The following ERICH6B variants were observed in gnomAD, a reference collection of about 807,000 sequenced individuals.
The protein encoded by ERICH6B is glutamate rich 6B.
A neutral mutation model predicts 80.0 loss-of-function variants in ERICH6B; 69 were observed. The ratio of observed to expected loss-of-function variants is 0.86; its 90% confidence interval spans 0.71 to 1.05. ERICH6B has a LOEUF of 1.05. ERICH6B is among the 50% of genes least tolerant of loss of function. ERICH6B has a pLI of 0.00. For synonymous variants in ERICH6B, 283 were observed against 291.9 expected, an observed-to-expected ratio of 0.97 and a Z score of 0.31; for missense variants, 754 against 796.1, an observed-to-expected ratio of 0.95 and a Z score of 0.64.
At chr13:45,582,354 G>A (rs7330573) in intron 5 of ERICH6B, among the ~76,000 whole-genome samples, 11,797 of 152,244 alleles carry the variant, frequency 0.077, 1,163 homozygotes, top group African/African-American at 0.23. Flanking sequence ...CAATTATACT[G>A]TTGAATTATT....
chr13:45,596,600 C>A lies in ERICH6B; in HGVS notation c.406G>T (p.Glu136Ter), dbSNP rs28460344. The change falls in exon 3 of 15, where the codon GAG becomes TAG. Residue 136 changes from glutamate (E) to a stop codon, truncating the protein, a stop_gained. Coordinates refer to ENST00000298738, the MANE Select transcript of ERICH6B (RefSeq NM_182542.3). LOFTEE classifies it high-confidence loss of function. ...CCTTCCTTCCCCAGATACTCTTCCT[C>A]CTCCAGATGCTCTTCCTTCCCCAGG... The part of the protein sequence containing the change: ...EYLGKEEHLE[E>*]EEYLGKEGYL... The A allele has an allele frequency of 2.1e-6, 1 of 465,278 alleles. No individual in the cohort carries two copies. Among genetic ancestry groups the A allele is most frequent in the Non-Finnish European group, 3.5e-6 (1 of 283,036 alleles). 28.8% of individuals were successfully genotyped at this position (465,278 alleles called of 1,614,324 possible).
At chr13:45,613,876 G>A (rs1949913206) in intron 1 of ERICH6B, among the ~76,000 whole-genome samples, 1 of 152,178 alleles carries the variant, frequency 6.6e-6, no homozygotes, top group African/African-American at 2.4e-5. Context: ...AACCACTAAG[G>A]TCTAGGAGGA....
chr13:45,562,440 T>G (rs986914121), intron 10 of ERICH6B, among the ~76,000 whole-genome samples: 1 of 152,258 alleles, frequency 6.6e-6, no homozygotes, highest in Non-Finnish European at 1.5e-5. Context: ...ATTTTGGAAC[T>G]AAACTGGTAA....
In ERICH6B at chr13:45,563,755, T is replaced by C. The variant is rs1301027644; in HGVS notation, c.1221A>G (p.Thr407=). Residue 407 remains threonine, a synonymous_variant, in exon 10 of 15, where the codon ACA becomes ACG. Transcript: ENST00000298738. ...LKKNYEKFKE[T]ILRIKRRREA... ...CACGTCTCCTCTTAATCCGTAAGAT[T>C]GTTTCCTTGAACTTTTCATAATTTT... 8 of 1,552,310 alleles carry C rather than the reference T, an allele frequency of 5.2e-6. No homozygotes were observed. In the East Asian group the frequency reaches 1.5e-4, roughly 28 times the overall value.
intron 11 of ERICH6B, among the ~76,000 whole-genome samples, chr13:45,559,150 G>A (rs1874562029): frequency 6.6e-6 from 1 of 152,144 alleles, no homozygotes; most frequent in Admixed American, 6.5e-5. Flanking sequence ...ATATTGCCAG[G>A]AATTTGTCTG....
At chr13:45,595,516 T>C (rs796707755) in intron 3 of ERICH6B, among the ~76,000 whole-genome samples, 15 of 152,078 alleles carry the variant, frequency 9.9e-5, no homozygotes, top group African/African-American at 3.6e-4. Flanking sequence ...TATATATGTG[T>C]ATATAAATAT....
At chr13:45,588,124 G>A (rs898466183) in intron 4 of ERICH6B, among the ~76,000 whole-genome samples, 1 of 152,212 alleles carries the variant, frequency 6.6e-6, no homozygotes, top group Non-Finnish European at 1.5e-5. Context: ...CTGCACCAGG[G>A]AACTCAGTGT....
chr13:45,582,601 C>A lies in ERICH6B; in HGVS notation c.857-1936G>T, dbSNP rs559750960. Among the ~76,000 whole-genome samples the A allele has an allele frequency of 1.1e-4, 17 of 152,338 alleles. No homozygotes were observed. The East Asian group carries it at 1.5e-3, about 14-fold the overall frequency. On this transcript the variant is annotated intron_variant, in intron 5 of 14. Coordinates refer to ENST00000298738, the MANE Select transcript of ERICH6B (RefSeq NM_182542.3). ...ACAAATATAAATATTCCTTCTAAAT[C>A]TGCATCCAAGCCTATTATAAAAAAT... is the stretch of plus-strand genomic sequence containing the variant.
intron 1 of ERICH6B, among the ~76,000 whole-genome samples, chr13:45,613,875 G>GT (rs1345711071): frequency 6.6e-6 from 1 of 152,174 alleles, no homozygotes; most frequent in Non-Finnish European, 1.5e-5. Flanking sequence ...AAACCACTAA[G>GT]GTCTAGGAGG....
chr13:45,590,807 A>C, intron 3 of ERICH6B, 110 bp from the exon 4 acceptor site: 1 of 891,262 alleles, frequency 1.1e-6, no homozygotes, highest in Non-Finnish European at 1.7e-6. Context: ...GAAATTTTCT[A>C]TTTTTACTTT....
intron 2 of ERICH6B, among the ~76,000 whole-genome samples, chr13:45,604,090 C>G (rs1300953702): frequency 6.6e-6 from 1 of 152,182 alleles, no homozygotes; most frequent in African/African-American, 2.4e-5. Flanking sequence ...GAAGTCGAGC[C>G]CAGGCCCAGA....
chr13:45,605,641 G>A lies in ERICH6B; in HGVS notation c.-59+1923C>T, dbSNP rs557331241. ...TTCCCCAGTGCCAAATGTCATGTGTGTTTTGGAGGAGAGCCCTCCTCAGGG... is the reference window on the plus strand; with the variant it reads ...TTCCCCAGTGCCAAATGTCATGTGTATTTTGGAGGAGAGCCCTCCTCAGGG... On this transcript the variant is annotated intron_variant, in intron 2 of 14. Transcript: ENST00000298738. Among the ~76,000 whole-genome samples, 16 of 152,328 alleles carry A rather than the reference G, an allele frequency of 1.1e-4. 1 individual carries two copies. In the South Asian group the frequency reaches 2.7e-3, roughly 26 times the overall value.
chr13:45,613,646 T>C (rs1057024841), intron 1 of ERICH6B, among the ~76,000 whole-genome samples: 1 of 152,094 alleles, frequency 6.6e-6, no homozygotes, highest in African/African-American at 2.4e-5. Flanking sequence ...GGACTTGGGG[T>C]GTGCTGCCTA....
intron 2 of ERICH6B, among the ~76,000 whole-genome samples, chr13:45,605,552 G>A (rs946566584): frequency 1.3e-5 from 2 of 152,232 alleles, no homozygotes; most frequent in Non-Finnish European, 2.9e-5. Context: ...CCAAGGTCAG[G>A]CAAGTCCTAA....
chr13:45,545,348 G>A (rs1873952514), intron 13 of ERICH6B, among the ~76,000 whole-genome samples: 1 of 152,198 alleles, frequency 6.6e-6, no homozygotes, highest in African/African-American at 2.4e-5. Flanking sequence ...TCCTCAGCCT[G>A]AGCAGCCTAC....
chr13:45,553,393 C>A (rs1472231419), intron 11 of ERICH6B, among the ~76,000 whole-genome samples: 1 of 152,140 alleles, frequency 6.6e-6, no homozygotes, highest in Non-Finnish European at 1.5e-5. Flanking sequence ...CTGAAGAATT[C>A]TTTGCCCAAA....
chr13:45,546,121 A>AT (rs1355614036), intron 13 of ERICH6B, among the ~76,000 whole-genome samples: 2 of 152,190 alleles, frequency 1.3e-5, no homozygotes, highest in Non-Finnish European at 2.9e-5. Context: ...CAGGGCACCC[A>AT]TATTGATAGG....
chr13:45,573,961 A>G (rs17066929), intron 8 of ERICH6B, among the ~76,000 whole-genome samples: 9,827 of 152,258 alleles, frequency 0.065, 359 homozygotes, highest in East Asian at 0.091. Context: ...CCTTCATTGC[A>G]GTATTTCAGT....
In ERICH6B at chr13:45,595,634, T is replaced by C. The variant is rs145715447; in HGVS notation, c.637+735A>G. On this transcript the variant is annotated intron_variant, in intron 3 of 14. Transcript: ENST00000298738. ...AGTGGTGGTGATTTTTGCTGTCTTC[T>C]TTTTGCTTATATATAGTTTCTTTCT... Among the ~76,000 whole-genome samples, 717 of 151,784 alleles carry C rather than the reference T, an allele frequency of 4.7e-3. 9 individuals are homozygous for C. Among genetic ancestry groups the C allele is most frequent in the African/African-American group, 0.016 (653 of 41,460 alleles).
Sources: gnomAD v4.1 joint callset for allele counts (sites outside exome capture counted in the v4.1 genomes callset) on GRCh38, gnomAD v4.1.1 for gene constraint, MANE v1.5 for transcripts, NCBI Gene and HGNC (gene_info 2026-07-23, HGNC 2026-07-21) for gene names.